DENND1B: variants seen among roughly 807,000 people sequenced by gnomAD.
The protein encoded by DENND1B is DENN domain containing 1B, also known as DENN domain-containing protein 1B.
A neutral mutation model predicts 90.1 loss-of-function variants in DENND1B; 59 were observed. The ratio of observed to expected loss-of-function variants is 0.65; its 90% CI spans 0.53 to 0.81. The LOEUF (loss-of-function observed/expected upper bound fraction) is 0.81, where lower values mean the gene tolerates loss of function less well. Among genes scored for constraint, DENND1B ranks in the 40% least tolerant of loss-of-function variants. The pLI is 0.00. For missense variants in DENND1B, 862 were observed against 912.6 expected, an observed-to-expected ratio of 0.94 and a Z score of 0.71; for synonymous variants, 337 against 324.6, an observed-to-expected ratio of 1.04 and a Z score of -0.41.
chr1:197,624,640 A>T (rs1209106187), intron 10 of DENND1B, among the ~76,000 whole-genome samples: 3 of 151,904 alleles, frequency 2.0e-5, no homozygotes, highest in Admixed American at 6.6e-5. Context: ...ACAGTTCCTC[A>T]CCAGCAACGG....
At chr1:197,538,908 C>T (rs1043000056) in intron 20 of DENND1B, among the ~76,000 whole-genome samples, 11 of 152,024 alleles carry the variant, frequency 7.2e-5, no homozygotes, top group African/African-American at 2.2e-4. Flanking sequence ...CCTCATCTCT[C>T]TTGCCTTTCT....
rs201297799 is a variant in DENND1B, at chr1:197,512,830, A to T, written c.1598+41T>A. ...TTTATCACCAAAAACTTCTGCTGTT[A>T]AGCCATTCCACTTAATAGGACACCA... On this transcript the variant is annotated intron_variant, in intron 21 of 22. Transcript: ENST00000620048. The T allele has an allele frequency of 1.1e-5, 17 of 1,581,252 alleles. No individual in the cohort carries two copies. The East Asian group carries it at 3.6e-4, about 33-fold the overall frequency.
chr1:197,664,241 C>G (rs1259663872), intron 5 of DENND1B, among the ~76,000 whole-genome samples: 1 of 151,936 alleles, frequency 6.6e-6, no homozygotes, highest in Admixed American at 6.6e-5. Context: ...AGTCTGTATT[C>G]TTACAACAGA....
chr1:197,569,288 A>T (rs181835203), intron 15 of DENND1B, among the ~76,000 whole-genome samples: 56 of 152,208 alleles, frequency 3.7e-4, no homozygotes, highest in African/African-American at 1.3e-3. Flanking sequence ...TTTGGCCAGG[A>T]TGTGGAGAAA....
At chr1:197,611,185 T>C (rs1258797016) in intron 12 of DENND1B, among the ~76,000 whole-genome samples, 1 of 150,792 alleles carries the variant, frequency 6.6e-6, no homozygotes, top group Admixed American at 6.6e-5. Flanking sequence ...TTTATCTGAA[T>C]AAAACTGATA....
At chr1:197,724,514 A>G (rs180845474) in intron 2 of DENND1B, among the ~76,000 whole-genome samples, 1 of 152,254 alleles carries the variant, frequency 6.6e-6, no homozygotes, top group African/African-American at 2.4e-5. Context: ...GCACATGACA[A>G]AAGGAAAGTA....
At chr1:197,629,010 T>C (rs1483750047) in intron 10 of DENND1B, among the ~76,000 whole-genome samples, 2 of 151,952 alleles carry the variant, frequency 1.3e-5, no homozygotes, top group Non-Finnish European at 2.9e-5. Flanking sequence ...TGAACATCAT[T>C]AAAAAGTCAG....
At chr1:197,656,039 T>C (rs758625778) in intron 6 of DENND1B, among the ~76,000 whole-genome samples, 2 of 152,118 alleles carry the variant, frequency 1.3e-5, no homozygotes, top group Non-Finnish European at 2.9e-5. Context: ...TCATGCTGCA[T>C]ACAAGTTTAA....
At chr1:197,730,410 T>C (rs1449781739) in intron 2 of DENND1B, among the ~76,000 whole-genome samples, 2 of 152,126 alleles carry the variant, frequency 1.3e-5, no homozygotes, top group African/African-American at 2.4e-5. Context: ...GGGCCCAGTG[T>C]TGACAGATAC....
chr1:197,559,019 A>G (rs10494758), intron 15 of DENND1B, among the ~76,000 whole-genome samples: 23,819 of 151,948 alleles, frequency 0.16, 2,144 homozygotes, highest in Non-Finnish European at 0.2. Flanking sequence ...CACAGATTAC[A>G]CTTCAATATA....
intron 2 of DENND1B, among the ~76,000 whole-genome samples, chr1:197,770,126 C>A (rs577983991): frequency 2.0e-5 from 3 of 152,240 alleles, no homozygotes; most frequent in Non-Finnish European, 4.4e-5. Flanking sequence ...AAGGTTACTG[C>A]TGCTTACATG....
intron 15 of DENND1B, among the ~76,000 whole-genome samples, chr1:197,580,283 A>T: frequency 7.9e-6 from 1 of 125,992 alleles, no homozygotes. Flanking sequence ...TTTTTTTAGT[A>T]GAGACAGGGT....
In DENND1B at chr1:197,714,435, G is replaced by T. The variant is rs77903727; in HGVS notation, c.126+596C>A. On this transcript the variant is annotated intron_variant, in intron 3 of 22. Coordinates refer to ENST00000620048, the MANE Select transcript of DENND1B (RefSeq NM_001195215.2). Reference sequence around the variant, plus strand: ...CATGTAAAACTACTGCATCATTTTGGTCATACTAAATATTTGAGGAACTAC... The same window carrying T: ...CATGTAAAACTACTGCATCATTTTGTTCATACTAAATATTTGAGGAACTAC... 6.6e-5 allele frequency among the ~76,000 whole-genome samples: 10 copies of T among 151,792 alleles called. No homozygotes were observed. The East Asian group carries it at 1.7e-3, about 26-fold the overall frequency.
At chr1:197,540,628 G>T (rs952065937) in intron 19 of DENND1B, among the ~76,000 whole-genome samples, 18 of 152,056 alleles carry the variant, frequency 1.2e-4, no homozygotes, top group Admixed American at 9.8e-4. Context: ...CTACACAAAA[G>T]ATATCTTTTA....
At chr1:197,535,725 C>T (rs3886600) in intron 20 of DENND1B, among the ~76,000 whole-genome samples, 2,597 of 152,314 alleles carry the variant, frequency 0.017, 30 homozygotes, top group South Asian at 0.036. Context: ...CTCACCTCTA[C>T]TGCCCTTCCT....
chr1:197,687,782 T>C (rs1657407206), intron 3 of DENND1B, among the ~76,000 whole-genome samples: 1 of 152,058 alleles, frequency 6.6e-6, no homozygotes, highest in South Asian at 2.1e-4. Context: ...TCTTACCACC[T>C]CTATTCAATA....
intron 5 of DENND1B, among the ~76,000 whole-genome samples, chr1:197,662,004 T>C (rs1654451916): frequency 6.6e-6 from 1 of 152,084 alleles, no homozygotes; most frequent in South Asian, 2.1e-4. Context: ...GGCATTTTGG[T>C]ATCTACGTAA....
At chr1:197,513,084 T>C in intron 20 of DENND1B, 131 bp from the exon 21 acceptor site, 1 of 663,558 alleles carries the variant, frequency 1.5e-6, no homozygotes, top group South Asian at 2.1e-5. Flanking sequence ...TTTTTGAATA[T>C]TATCCAATAA....
intron 10 of DENND1B, 35 bp downstream of exon 10, chr1:197,642,674 CAA>C: frequency 6.7e-7 from 1 of 1,485,440 alleles, no homozygotes; most frequent in Non-Finnish European, 9.3e-7. Flanking sequence ...GTGAAACACT[CAA>C]TACCTGCTAC....
Sources: allele counts gnomAD v4.1 joint callset (sites outside exome capture counted in the v4.1 genomes callset), GRCh38; gene constraint gnomAD v4.1.1; transcripts MANE v1.5; gene names NCBI Gene and HGNC (gene_info 2026-07-23, HGNC 2026-07-21).